The following PLEK variants were observed in gnomAD, a reference collection of about 807,000 sequenced individuals.
The protein encoded by PLEK is pleckstrin.
PLEK carries 25 observed loss-of-function variants against 43.9 expected under a neutral mutation model. The ratio of observed to expected loss-of-function variants is 0.57; its 90% CI spans 0.41 to 0.79. The LOEUF (loss-of-function observed/expected upper bound fraction) is 0.79. Ranked by LOEUF, PLEK falls within the 30% of genes least tolerant of loss-of-function variation. The pLI, the probability that PLEK is intolerant of heterozygous loss-of-function variation, is 0.00. For missense variants in PLEK, 396 were observed against 413.3 expected, an observed-to-expected ratio of 0.96 and a Z score of 0.36; for synonymous variants, 152 against 144.4, an observed-to-expected ratio of 1.05 and a Z score of -0.38.
chr2:68,365,519 G>A, intron 1 of PLEK, 126 bp downstream of exon 1: 1 of 760,690 alleles, frequency 1.3e-6, no homozygotes, highest in South Asian at 1.5e-5. Flanking sequence ...TGAAATAGGG[G>A]AGCGTGGTAG....
chr2:68,386,591 G>A lies in PLEK; in HGVS notation c.562G>A (p.Gly188Arg). ...LMIASSLLNEGYLQPAGDMSK... is the reference protein window; with the variant it reads ...LMIASSLLNERYLQPAGDMSK... ...GATTGCTTCATCGCTGCTCAATGAG[G>A]GGTATCTGCAGCCTGCTGGAGACAT... Residue 188 changes from glycine to arginine, a missense_variant, in exon 5 of 9, where the codon GGG becomes AGG. Transcript: ENST00000234313. 1 of 1,613,594 alleles carries A rather than the reference G, an allele frequency of 6.2e-7. No individual in the cohort carries two copies. The highest frequency in any genetic ancestry group is 2.2e-5 in the East Asian group (1 of 44,888).
intron 6 of PLEK, among the ~76,000 whole-genome samples, chr2:68,390,955 A>G (rs926947521): frequency 1.3e-5 from 2 of 152,222 alleles, no homozygotes; most frequent in South Asian, 2.1e-4. Flanking sequence ...TCTCAACCAC[A>G]TTTAGATTCC....
chr2:68,395,558 G>A, intron 8 of PLEK, 122 bp from the exon 9 acceptor site: 1 of 976,314 alleles, frequency 1.0e-6, no homozygotes, highest in African/African-American at 1.6e-5. Flanking sequence ...ATGTTTGAAA[G>A]CCACATAGTC....
At position 68,386,508 on chromosome 2, in the gene PLEK, G is replaced by C; in HGVS notation, c.479G>C (p.Cys160Ser). 6.2e-7 allele frequency: 1 copy of C among 1,613,450 alleles called. No homozygotes were observed. The highest frequency in any genetic ancestry group is 1.1e-5 in the South Asian group (1 of 91,048). ...CTGTGCTGGTCCCATCTAGGTAACT[G>C]CGTCATTGATTGGCTGGTATCCAAC... ...KIFNHCFTGN[C>S]VIDWLVSNQS... The change falls in exon 5 of 9, where the codon TGC becomes TCC. Residue 160 changes from cysteine (C) to serine (S), a missense_variant. Transcript: ENST00000234313.
chr2:68,373,213 C>T (rs904475614), intron 1 of PLEK, among the ~76,000 whole-genome samples: 2 of 152,048 alleles, frequency 1.3e-5, no homozygotes, highest in Admixed American at 6.6e-5. Context: ...AGAGAAAAAC[C>T]TCCTCAAATT....
chr2:68,396,073 C>A lies in PLEK; in HGVS notation c.*257C>A, dbSNP rs975712375. ...CTGTGCAGCCTCAGTAGGCTGCTTG[C>A]CCTCTCCAGGCCTCAGGGCCTCTTC... On this transcript the variant is annotated 3_prime_UTR_variant, in exon 9 of 9. Transcript: ENST00000234313. 2.5e-6 allele frequency: 1 copy of A among 401,876 alleles called. No individual in the cohort carries two copies. 24.9% of individuals were successfully genotyped at this position (401,876 alleles called of 1,614,324 possible).
intron 4 of PLEK, among the ~76,000 whole-genome samples, chr2:68,382,944 A>G (rs1365184652): frequency 2.6e-5 from 4 of 152,200 alleles, no homozygotes; most frequent in Admixed American, 2.6e-4. Context: ...ACAGAATTGG[A>G]TAAGATGCAA....
In PLEK at chr2:68,380,359, G is replaced by T. The variant is rs1416958669; in HGVS notation, c.74G>T (p.Trp25Leu). 2 of 1,613,602 alleles carry T rather than the reference G, an allele frequency of 1.2e-6. No homozygotes were observed. The highest frequency in any genetic ancestry group is 3.3e-5 in the Admixed American group (2 of 59,994). Residue 25 changes from tryptophan (W) to leucine (L), a missense_variant, in exon 2 of 9, where the codon TGG becomes TTG. Transcript: ENST00000234313. ...GSVFNTWKPM[W>L]VVLLEDGIEF... ...GTGTTCAATACGTGGAAACCCATGT[G>T]GGTTGTATTGTTAGAAGATGGAATT...
intron 8 of PLEK, 67 bp downstream of exon 8, chr2:68,394,243 G>A (rs1673915047): frequency 1.1e-6 from 1 of 893,882 alleles, no homozygotes; most frequent in Non-Finnish European, 1.9e-6. Flanking sequence ...TGGACATCCT[G>A]GGCCAACATT....
In PLEK at chr2:68,365,347, C is replaced by A; in HGVS notation, c.-5C>A. 1.2e-6 allele frequency: 2 copies of A among 1,613,322 alleles called. No individual in the cohort carries two copies. Among genetic ancestry groups the A allele is most frequent in the Non-Finnish European group, 8.5e-7 (1 of 1,179,338 alleles). On this transcript the variant is annotated 5_prime_UTR_variant, in exon 1 of 9. Transcript: ENST00000234313. ...GTGACCTTTGCATCTGCCTGTCCAG[C>A]CAGCATGGAACCAAAGCGGATCAGA...
intron 3 of PLEK, among the ~76,000 whole-genome samples, chr2:68,381,831 C>T (rs1394798273): frequency 6.6e-6 from 1 of 152,146 alleles, no homozygotes; most frequent in Non-Finnish European, 1.5e-5. Context: ...AACGAGGCAC[C>T]TAGTGCAGCT....
At chr2:68,380,585 C>G (rs1383747288) in intron 2 of PLEK, 102 bp downstream of exon 2, 7 of 1,406,702 alleles carry the variant, frequency 5.0e-6, no homozygotes, top group Non-Finnish European at 5.9e-6. Context: ...GCTGGTCCCT[C>G]TCACCACCAC....
At chr2:68,391,375 G>T (rs187948102) in intron 6 of PLEK, among the ~76,000 whole-genome samples, 1 of 152,328 alleles carries the variant, frequency 6.6e-6, no homozygotes, top group African/African-American at 2.4e-5. Context: ...CAGTGAAGAG[G>T]AAATGGTATG....
rs1045794996 is a variant in PLEK at position 68,386,483 on chromosome 2, C to T, written c.473-19C>T. Reference sequence around the variant, plus strand: ...CTTCGGTAAGGAGAGTTAACCTTCCCTGTGCTGGTCCCATCTAGGTAACTG... The same window carrying T: ...CTTCGGTAAGGAGAGTTAACCTTCCTTGTGCTGGTCCCATCTAGGTAACTG... On this transcript the variant is annotated intron_variant, in intron 4 of 8. Transcript: ENST00000234313. 3.1e-6 allele frequency: 5 copies of T among 1,607,132 alleles called. No homozygotes were observed. In the African/African-American group the frequency reaches 6.7e-5, roughly 21 times the overall value.
intron 1 of PLEK, among the ~76,000 whole-genome samples, chr2:68,366,312 A>G (rs13426377): frequency 0.52 from 78,630 of 152,114 alleles, 21,664 homozygotes; most frequent in East Asian, 0.76. Flanking sequence ...TCACGTTTTA[A>G]CCTACAATGT....
chr2:68,370,346 A>G (rs72892064), intron 1 of PLEK, among the ~76,000 whole-genome samples: 3,531 of 152,302 alleles, frequency 0.023, 70 homozygotes, highest in Admixed American at 0.069. Context: ...TCTTTCTGTG[A>G]TGCTGGGTGT....
Position 68,365,283 on chromosome 2 carries a change from T to C in PLEK, c.-69T>C, listed in dbSNP as rs1345485369. On this transcript the variant is annotated 5_prime_UTR_variant, in exon 1 of 9. It removes an upstream start codon present in the reference 5' UTR. Transcript: ENST00000234313. ...AAGGCGGCCCACAGCCACCTCAGCA[T>C]GCAGAGGAGGCCCAGCTGCTGAGAG... 3 of 1,375,850 alleles carry C rather than the reference T, an allele frequency of 2.2e-6. No individual in the cohort carries two copies. The highest frequency in any genetic ancestry group is 3.1e-6 in the Non-Finnish European group (3 of 964,754). The allele number at this position is 1,375,850 out of a possible 1,614,324, so 85.2% of individuals were successfully genotyped here.
At chr2:68,385,189 T>A (rs1408150936) in intron 4 of PLEK, among the ~76,000 whole-genome samples, 1 of 152,240 alleles carries the variant, frequency 6.6e-6, no homozygotes, top group African/African-American at 2.4e-5. Flanking sequence ...GATACACATA[T>A]ACATTGTGCA....
At chr2:68,381,049 T>G in intron 3 of PLEK, 145 bp downstream of exon 3, 2 of 721,540 alleles carry the variant, frequency 2.8e-6, no homozygotes, top group Non-Finnish European at 4.6e-6. Flanking sequence ...ACTAAAATGT[T>G]TACCTGGGTC....
Sources: allele counts gnomAD v4.1 joint callset (sites outside exome capture counted in the v4.1 genomes callset), GRCh38; gene constraint gnomAD v4.1.1; transcripts MANE v1.5; gene names NCBI Gene and HGNC (gene_info 2026-07-23, HGNC 2026-07-21).